The following LMNTD1 variants were observed in gnomAD, a reference collection of about 807,000 sequenced individuals.
The protein encoded by LMNTD1 is lamin tail domain containing 1.
In LMNTD1, 35 loss-of-function variants were observed where a neutral mutation model predicts 50.9. The observed-to-expected ratio is 0.69, with a 90% CI of 0.53 to 0.91. The LOEUF is 0.91. Among genes scored for constraint, LMNTD1 ranks in the 40% least tolerant of loss-of-function variants. The pLI is 0.00. For missense variants in LMNTD1, 470 were observed against 475.5 expected, an observed-to-expected ratio of 0.99 and a Z score of 0.11; for synonymous variants, 153 against 161.9, an observed-to-expected ratio of 0.94 and a Z score of 0.42.
chr12:25,552,747 G>A lies in LMNTD1; in HGVS notation c.89+124C>T. 6.3e-6 allele frequency: 4 copies of A among 636,378 alleles called. No individual in the cohort carries two copies. The Admixed American group carries it at 8.4e-5, about 13-fold the overall frequency. The allele number at this position is 636,378 out of a possible 1,614,324, so 39.4% of individuals were successfully genotyped here. ...ACAGTCCATTATTTCTAGAAAATTT[G>A]TGAGATATATTCTAGTTCTAACTGG... On this transcript the variant is annotated intron_variant, in intron 2 of 9. Transcript: ENST00000458174.
intron 1 of LMNTD1, among the ~76,000 whole-genome samples, chr12:25,624,884 C>T (rs954441124): frequency 5.3e-5 from 8 of 152,208 alleles, no homozygotes; most frequent in African/African-American, 1.9e-4. Flanking sequence ...GCAAGTATCC[C>T]AGCATTCACA....
Position 25,590,638 on chromosome 12 carries a change from A to T in LMNTD1, c.59-44084T>A, listed in dbSNP as rs117153692. 1.9e-3 allele frequency among the ~76,000 whole-genome samples: 290 copies of T among 152,000 alleles called. 1 individual carries two copies. Among genetic ancestry groups the T allele is most frequent in the Non-Finnish European group, 3.1e-3 (211 of 67,970 alleles). On this transcript the variant is annotated intron_variant, in intron 1 of 7. Coordinates refer to the LMNTD1 transcript ENST00000445693. ...TGCATAGCTTGTGGCTTAAAAACAG[A>T]CCCCTTGCCTCAGCTTGAGGAGAGG...
intron 1 of LMNTD1, among the ~76,000 whole-genome samples, chr12:25,559,177 T>C (rs1480686118): frequency 6.6e-6 from 1 of 152,040 alleles, no homozygotes; most frequent in Non-Finnish European, 1.5e-5. Context: ...GTATATCTCC[T>C]AATGCTATAC....
At chr12:25,610,414 C>G (rs1280875278) in intron 1 of LMNTD1, among the ~76,000 whole-genome samples, 1 of 152,138 alleles carries the variant, frequency 6.6e-6, no homozygotes, top group Non-Finnish European at 1.5e-5. Flanking sequence ...CACCTGTCTT[C>G]TGCATCAGTC....
chr12:25,633,731 G>A (rs1262515046), intron 1 of LMNTD1, among the ~76,000 whole-genome samples: 1 of 152,054 alleles, frequency 6.6e-6, no homozygotes, highest in East Asian at 1.9e-4. Flanking sequence ...GACTGAAAGA[G>A]CACAAACTGA....
At chr12:25,561,077 T>A (rs979227265) in intron 1 of LMNTD1, among the ~76,000 whole-genome samples, 5 of 152,002 alleles carry the variant, frequency 3.3e-5, no homozygotes, top group Non-Finnish European at 7.4e-5. Flanking sequence ...ATTTTGTTGA[T>A]CTTTTCAAAA....
intron 9 of LMNTD1, among the ~76,000 whole-genome samples, chr12:25,482,406 A>G (rs892055036): frequency 6.6e-6 from 1 of 151,994 alleles, no homozygotes; most frequent in African/African-American, 2.4e-5. Context: ...TACTTTCATG[A>G]AGAAAAAAAA....
intron 9 of LMNTD1, among the ~76,000 whole-genome samples, chr12:25,501,192 T>C (rs1424550310): frequency 6.6e-6 from 1 of 152,038 alleles, no homozygotes; most frequent in African/African-American, 2.4e-5. Flanking sequence ...GTTTCAACCA[T>C]GCTGACCAGG....
chr12:25,565,680 T>C (rs1944528493), intron 1 of LMNTD1, among the ~76,000 whole-genome samples: 1 of 152,356 alleles, frequency 6.6e-6, no homozygotes, highest in East Asian at 1.9e-4. Context: ...CTATTACCAG[T>C]GAATTTTGTA....
intron 6 of LMNTD1, among the ~76,000 whole-genome samples, chr12:25,520,537 G>A (rs1941243628): frequency 6.6e-6 from 1 of 152,032 alleles, no homozygotes; most frequent in South Asian, 2.1e-4. Flanking sequence ...GTACCTCCAT[G>A]TTCTTTCTTA....
Position 25,553,078 on chromosome 12 carries a change from C to T in LMNTD1, c.-40G>A. 1.2e-6 allele frequency: 2 copies of T among 1,613,422 alleles called. No homozygotes were observed. The highest frequency in any genetic ancestry group is 1.7e-6 in the Non-Finnish European group (2 of 1,179,510). ...TTCAAAGTGACCTCACCTGTTAATC[C>T]AACTACCTTCAAGCATCAGCTAGGT... On this transcript the variant is annotated 5_prime_UTR_variant, in exon 1 of 10. It introduces an in-frame stop codon into an upstream open reading frame of the 5' UTR. Transcript: ENST00000458174.
chr12:25,558,360 C>A (rs1194508442), intron 1 of LMNTD1, among the ~76,000 whole-genome samples: 1 of 152,114 alleles, frequency 6.6e-6, no homozygotes, highest in Non-Finnish European at 1.5e-5. Flanking sequence ...GATGCATCAT[C>A]AGACCTGTTA....
intron 1 of LMNTD1, among the ~76,000 whole-genome samples, chr12:25,596,467 AC>A (rs1945847660): frequency 6.6e-6 from 1 of 152,144 alleles, no homozygotes; most frequent in South Asian, 2.1e-4. Flanking sequence ...AGAATTAAAA[AC>A]AAAAATTACA....
intron 1 of LMNTD1, among the ~76,000 whole-genome samples, chr12:25,598,999 C>T (rs1030178282): frequency 5.9e-5 from 9 of 151,514 alleles, no homozygotes; most frequent in African/African-American, 1.2e-4. Context: ...ACTTATTCTA[C>T]GAGGCCAGTA....
At chr12:25,494,469 C>T (rs555879596) in intron 9 of LMNTD1, among the ~76,000 whole-genome samples, 7 of 152,166 alleles carry the variant, frequency 4.6e-5, no homozygotes, top group South Asian at 4.1e-4. Flanking sequence ...CTGAAACTAT[C>T]GTTGGCCTAC....
At chr12:25,643,903 C>T (rs181706738) in intron 1 of LMNTD1, among the ~76,000 whole-genome samples, 21 of 152,222 alleles carry the variant, frequency 1.4e-4, no homozygotes, top group African/African-American at 4.6e-4. Flanking sequence ...AGGAACTGGA[C>T]AAGATCACCT....
intron 1 of LMNTD1, among the ~76,000 whole-genome samples, chr12:25,618,305 A>G (rs1050811048): frequency 6.6e-6 from 1 of 152,112 alleles, no homozygotes; most frequent in African/African-American, 2.4e-5. Context: ...ATTGCTCTTG[A>G]TTGGAGAGCA....
chr12:25,484,527 A>C (rs2135909156), intron 9 of LMNTD1, among the ~76,000 whole-genome samples: 1 of 151,956 alleles, frequency 6.6e-6, no homozygotes, highest in Admixed American at 6.5e-5. Context: ...ATTATACTTT[A>C]AGTTTTAGGG....
Position 25,608,610 on chromosome 12 carries a change from A to G in LMNTD1, c.58+39884T>C, listed in dbSNP as rs144070797. ...CTTATGAAGCTTAGTTTGGCTGGAT[A>G]TGAAATTCTGGGTTGAAAATTATTT... On this transcript the variant is annotated intron_variant, in intron 1 of 7. Transcript: ENST00000445693. Among the ~76,000 whole-genome samples the G allele has an allele frequency of 5.4e-4, 82 of 152,350 alleles. No homozygotes were observed. In the East Asian group the frequency reaches 0.012, roughly 22 times the overall value.
Sources: allele counts gnomAD v4.1 joint callset (sites outside exome capture counted in the v4.1 genomes callset), GRCh38; gene constraint gnomAD v4.1.1; transcripts MANE v1.5; gene names NCBI Gene and HGNC (gene_info 2026-07-23, HGNC 2026-07-21).